The following RHAG variants were observed in gnomAD, a reference collection of about 807,000 sequenced individuals.
RHAG encodes Rh associated glycoprotein.
In RHAG, 25 loss-of-function variants were observed where a neutral mutation model predicts 42.4. The ratio of observed to expected loss-of-function variants is 0.59; its 90% CI spans 0.43 to 0.82. The LOEUF (loss-of-function observed/expected upper bound fraction) is 0.82, where lower values mean the gene tolerates loss of function less well. Ranked by LOEUF, RHAG falls within the 40% of genes least tolerant of loss-of-function variation. The pLI is 0.00. For missense variants in RHAG, 483 were observed against 504.6 expected (o/e 0.96, Z 0.41); for synonymous variants, 182 against 177.7 (o/e 1.02, Z -0.19).
At chr6:49,634,956 C>CTG (rs72452277) in intron 1 of RHAG, among the ~76,000 whole-genome samples, 60,897 of 129,276 alleles carry the variant, frequency 0.47, 14,001 homozygotes, top group East Asian at 0.68. Flanking sequence ...GTGTGTACAC[C>CTG]TGTGTGTGTG....
At chr6:49,607,642 G>A (rs1480619) in intron 7 of RHAG, among the ~76,000 whole-genome samples, 1 of 151,932 alleles carries the variant, frequency 6.6e-6, no homozygotes, top group Non-Finnish European at 1.5e-5. Flanking sequence ...TGTAGAGATA[G>A]CTCATTGAAG....
intron 1 of RHAG, 101 bp from the exon 2 acceptor site, chr6:49,619,463 A>C: frequency 9.4e-7 from 1 of 1,068,840 alleles, no homozygotes; most frequent in South Asian, 1.4e-5. Context: ...CCTTTGTATA[A>C]CACACTAGGA....
At chr6:49,631,956 C>A (rs1003407883) in intron 1 of RHAG, 5 of 152,164 alleles carry the variant, frequency 3.3e-5, no homozygotes, top group Admixed American at 3.3e-4. Flanking sequence ...TGGTGAAAGT[C>A]ATGAAATGAT....
At chr6:49,613,553 A>T (rs62412394) in intron 5 of RHAG, among the ~76,000 whole-genome samples, 7,595 of 152,152 alleles carry the variant, frequency 0.05, 279 homozygotes, top group South Asian at 0.11. Context: ...TGTCCTCAGC[A>T]ATGCTTAAAA....
At chr6:49,619,650 C>A (rs1358988631) in intron 1 of RHAG, among the ~76,000 whole-genome samples, 1 of 152,162 alleles carries the variant, frequency 6.6e-6, no homozygotes, top group Non-Finnish European at 1.5e-5. Context: ...TGTTTTCCAC[C>A]TGAGGACAGA....
chr6:49,617,377 TTG>T (rs1562014895), intron 3 of RHAG, among the ~76,000 whole-genome samples: 2 of 152,196 alleles, frequency 1.3e-5, no homozygotes, highest in Non-Finnish European at 2.9e-5. Flanking sequence ...ATTTGTGTGT[TTG>T]TGTCTTTGGG....
chr6:49,608,411 C>T (rs958238788), intron 7 of RHAG, among the ~76,000 whole-genome samples: 5 of 152,154 alleles, frequency 3.3e-5, no homozygotes, highest in South Asian at 2.1e-4. Flanking sequence ...GACGGAGTCT[C>T]GCTCTGTTGC....
At chr6:49,636,077 G>T (rs984662561) in intron 1 of RHAG, among the ~76,000 whole-genome samples, 6 of 152,060 alleles carry the variant, frequency 3.9e-5, no homozygotes, top group East Asian at 3.9e-4. Context: ...GAAGGATTTT[G>T]TTTTTAAAAT....
intron 2 of RHAG, 56 bp from the exon 3 acceptor site, chr6:49,618,274 C>T: frequency 6.3e-7 from 1 of 1,595,818 alleles, no homozygotes; most frequent in Non-Finnish European, 8.6e-7. Context: ...TAAAACTGAC[C>T]AAAGTGCAAT....
intron 3 of RHAG, among the ~76,000 whole-genome samples, chr6:49,617,650 C>T (rs1195113687): frequency 6.6e-6 from 1 of 152,074 alleles, no homozygotes; most frequent in Non-Finnish European, 1.5e-5. Flanking sequence ...AAAAGTTTGA[C>T]TGAGGCCTTA....
At chr6:49,613,086 T>C (rs982874994) in intron 5 of RHAG, among the ~76,000 whole-genome samples, 25 of 151,482 alleles carry the variant, frequency 1.7e-4, no homozygotes, top group Middle Eastern at 3.2e-3. Context: ...TTTTTTTTTT[T>C]CGAGATGGAG....
chr6:49,631,975 A>C (rs1396738880), intron 1 of RHAG: 1 of 152,176 alleles, frequency 6.6e-6, no homozygotes, highest in Non-Finnish European at 1.5e-5. Context: ...ATTTCGAGTG[A>C]TGTGTAGATC....
chr6:49,631,385 T>G (rs1474134066), intron 1 of RHAG, among the ~76,000 whole-genome samples: 1 of 152,244 alleles, frequency 6.6e-6, no homozygotes, highest in Non-Finnish European at 1.5e-5. Context: ...TTTATATTAA[T>G]TAGTATTCTT....
chr6:49,616,354 C>CAAAAAAAAAAAA (rs34416373), intron 3 of RHAG, among the ~76,000 whole-genome samples: 1 of 108,768 alleles, frequency 9.2e-6, no homozygotes, highest in East Asian at 2.9e-4. Flanking sequence ...AATCTCAAAC[C>CAAAAAAAAAAAA]AAAAAAAAAA....
intron 5 of RHAG, among the ~76,000 whole-genome samples, chr6:49,614,063 G>A (rs1163399076): frequency 1.3e-5 from 2 of 152,130 alleles, no homozygotes; most frequent in Non-Finnish European, 2.9e-5. Flanking sequence ...GAACTTGGGA[G>A]CAGTTAACTC....
rs1774145738 is a variant in RHAG at position 49,605,513 on chromosome 6, T to G, written c.*300A>C. On this transcript the variant is annotated 3_prime_UTR_variant, in exon 10 of 10. Transcript: ENST00000371175. ...ACATGTTTACTCTGTATTTACTCAC[T>G]GCCAAAAGCTTTTTGGGAATCCTGG... The G allele has an allele frequency of 2.1e-6, 1 of 470,184 alleles. No individual in the cohort carries two copies. Among genetic ancestry groups the G allele is most frequent in the Non-Finnish European group, 3.9e-6 (1 of 256,632 alleles). 29.1% of individuals were successfully genotyped at this position (470,184 alleles called of 1,614,324 possible).
chr6:49,636,776 C>T lies in RHAG; in HGVS notation c.37G>A (p.Glu13Lys). Reference sequence around the variant, plus strand: ...CCAAATAAAACAATCATGGCAATTTCCAGGACTATAGCCATGAGAGGGAAT... The same window carrying T: ...CCAAATAAAACAATCATGGCAATTTTCAGGACTATAGCCATGAGAGGGAAT... ...FTFPLMAIVL[E>K]IAMIVLFGLF... The change falls in exon 1 of 10, where the codon GAA becomes AAA. Residue 13 changes from glutamate (E) to lysine (K), a missense_variant. By Grantham distance (56) the Glu-to-Lys change is moderately conservative. Coordinates refer to ENST00000371175, the MANE Select transcript of RHAG (RefSeq NM_000324.3). 6.2e-7 allele frequency: 1 copy of T among 1,613,852 alleles called. No individual in the cohort carries two copies. Among genetic ancestry groups the T allele is most frequent in the Non-Finnish European group, 8.5e-7 (1 of 1,179,796 alleles).
intron 1 of RHAG, among the ~76,000 whole-genome samples, chr6:49,620,037 TG>T (rs1445537611): frequency 5.3e-5 from 8 of 152,200 alleles, no homozygotes; most frequent in African/African-American, 1.9e-4. Flanking sequence ...TTGGGTCAAA[TG>T]GGATAATTTC....
chr6:49,610,966 A>C lies in RHAG; in HGVS notation c.1067+58T>G, dbSNP rs1167769589. 7 of 1,605,602 alleles carry C rather than the reference A, an allele frequency of 4.4e-6. No individual in the cohort carries two copies. The African/African-American group carries it at 9.4e-5, about 21-fold the overall frequency. Reference sequence around the variant, plus strand: ...TAAAATGAAAACTCTCCCATTTCTCAGAGTGAGAGAAAACATCATGGGACC... The same window carrying C: ...TAAAATGAAAACTCTCCCATTTCTCCGAGTGAGAGAAAACATCATGGGACC... On this transcript the variant is annotated intron_variant, in intron 7 of 9. Transcript: ENST00000371175.
Sources: allele counts gnomAD v4.1 joint callset (sites outside exome capture counted in the v4.1 genomes callset), GRCh38; gene constraint gnomAD v4.1.1; transcripts MANE v1.5; gene names NCBI Gene and HGNC (gene_info 2026-07-23, HGNC 2026-07-21).